The following RBMS1 variants were observed in gnomAD, a reference collection of about 807,000 sequenced individuals.
RBMS1 encodes RNA binding motif single stranded interacting protein 1, also known as RNA-binding motif, single-stranded-interacting protein 1.
In RBMS1, 17 loss-of-function variants were observed where a neutral mutation model predicts 62.3. The ratio of observed to expected loss-of-function variants is 0.27; its 90% CI spans 0.19 to 0.41. RBMS1 has a LOEUF of 0.41. RBMS1 is among the 10% of genes least tolerant of loss of function. RBMS1 has a pLI of 1.00. For missense variants in RBMS1, 334 were observed against 504.5 expected, an observed-to-expected ratio of 0.66 and a Z score of 3.24; for synonymous variants, 172 against 170.0, an observed-to-expected ratio of 1.01 and a Z score of -0.09.
chr2:160,434,838 T>G (rs2105291531), intron 1 of RBMS1, among the ~76,000 whole-genome samples: 1 of 152,264 alleles, frequency 6.6e-6, no homozygotes, highest in South Asian at 2.1e-4. Context: ...CTGATGATCT[T>G]TAAAAATCAT....
chr2:160,443,192 A>C (rs1346445901), intron 1 of RBMS1, among the ~76,000 whole-genome samples: 1 of 146,630 alleles, frequency 6.8e-6, no homozygotes, highest in Non-Finnish European at 1.5e-5. Context: ...CGTGACAGTG[A>C]GACCTTGTCT....
intron 1 of RBMS1, among the ~76,000 whole-genome samples, chr2:160,482,896 A>G (rs1354796667): frequency 6.6e-6 from 1 of 152,236 alleles, no homozygotes; most frequent in African/African-American, 2.4e-5. Flanking sequence ...TCAACATGCT[A>G]TCGTCAGACC....
chr2:160,312,015 C>T (rs1399945730), intron 4 of RBMS1, among the ~76,000 whole-genome samples: 1 of 152,186 alleles, frequency 6.6e-6, no homozygotes, highest in Admixed American at 6.5e-5. Flanking sequence ...AGATGCATGT[C>T]ATTCCAAGTG....
intron 3 of RBMS1, 70 bp from the exon 4 acceptor site, chr2:160,313,317 C>CTACTGG (rs1690036819): frequency 7.0e-7 from 1 of 1,433,328 alleles, no homozygotes. Context: ...AAAAGAACAG[C>CTACTGG]TCTACTTTGT....
At chr2:160,390,330 C>G (rs1443632410) in intron 1 of RBMS1, among the ~76,000 whole-genome samples, 1 of 152,180 alleles carries the variant, frequency 6.6e-6, no homozygotes, top group African/African-American at 2.4e-5. Context: ...AGATAGGACG[C>G]TGTAGTTCTG....
At chr2:160,329,817 T>A (rs1384517128) in intron 2 of RBMS1, among the ~76,000 whole-genome samples, 1 of 151,876 alleles carries the variant, frequency 6.6e-6, no homozygotes, top group East Asian at 1.9e-4. Context: ...CATTTACCAA[T>A]CTTGTTTTGA....
chr2:160,313,813 C>T (rs1237550903), intron 3 of RBMS1, among the ~76,000 whole-genome samples: 2 of 152,138 alleles, frequency 1.3e-5, no homozygotes, highest in Non-Finnish European at 2.9e-5. Flanking sequence ...AAATACAGCT[C>T]ATCACACCCC....
intron 2 of RBMS1, among the ~76,000 whole-genome samples, chr2:160,363,605 GAA>G (rs1693247057): frequency 1.3e-5 from 2 of 151,994 alleles, no homozygotes; most frequent in Non-Finnish European, 2.9e-5. Flanking sequence ...GGCCAAAGAA[GAA>G]TCCACAAAAC....
chr2:160,433,188 T>C (rs1427843509), intron 1 of RBMS1, among the ~76,000 whole-genome samples: 1 of 151,218 alleles, frequency 6.6e-6, no homozygotes, highest in Non-Finnish European at 1.5e-5. Flanking sequence ...CCAAGACAGG[T>C]GGATCGCTTG....
intron 1 of RBMS1, chr2:160,493,069 G>A: frequency 1.9e-6 from 1 of 515,068 alleles, no homozygotes; most frequent in Non-Finnish European, 3.4e-6. Flanking sequence ...CTCTCCCCCC[G>A]CGGCTTTCTG....
At chr2:160,335,153 C>G (rs1376819236) in intron 2 of RBMS1, among the ~76,000 whole-genome samples, 1 of 152,018 alleles carries the variant, frequency 6.6e-6, no homozygotes, top group Admixed American at 6.6e-5. Context: ...ATGTGGTGGA[C>G]CTATCCACCA....
chr2:160,347,502 A>G (rs1692251499), intron 2 of RBMS1, among the ~76,000 whole-genome samples: 2 of 152,198 alleles, frequency 1.3e-5, no homozygotes, highest in Non-Finnish European at 2.9e-5. Context: ...CAGTGATGCC[A>G]AAGATCAAGT....
chr2:160,473,600 T>A (rs1202502445), intron 1 of RBMS1, among the ~76,000 whole-genome samples: 1 of 152,208 alleles, frequency 6.6e-6, no homozygotes, highest in Non-Finnish European at 1.5e-5. Flanking sequence ...AAGGACATTG[T>A]TTATACATTC....
At chr2:160,402,010 A>G (rs1287917992) in intron 1 of RBMS1, 1 of 152,162 alleles carries the variant, frequency 6.6e-6, no homozygotes, top group Non-Finnish European at 1.5e-5. Context: ...GTCCATTCTT[A>G]GAGGCTGTAA....
intron 2 of RBMS1, among the ~76,000 whole-genome samples, chr2:160,321,102 T>C (rs1346832508): frequency 6.6e-6 from 1 of 152,010 alleles, no homozygotes; most frequent in Admixed American, 6.6e-5. Context: ...TAGTTCTGCT[T>C]TCAACATTTA....
At chr2:160,313,297 G>A in intron 3 of RBMS1, 50 bp from the exon 4 acceptor site, 1 of 1,514,114 alleles carries the variant, frequency 6.6e-7, no homozygotes, top group South Asian at 1.2e-5. Context: ...CTGTGGTTAG[G>A]TAAAAGGGTA....
intron 1 of RBMS1, 131 bp downstream of exon 1, chr2:160,493,158 G>A: frequency 1.1e-6 from 1 of 904,036 alleles, no homozygotes; most frequent in Non-Finnish European, 1.7e-6. Flanking sequence ...CAGCGCTATA[G>A]TTAGCAACCT....
At chr2:160,436,096 C>A (rs1228617666) in intron 1 of RBMS1, among the ~76,000 whole-genome samples, 1 of 152,178 alleles carries the variant, frequency 6.6e-6, no homozygotes. Context: ...ATGTAAGTAA[C>A]TGTGATAGAT....
At chr2:160,376,822 A>T (rs1214419828) in intron 1 of RBMS1, among the ~76,000 whole-genome samples, 2 of 151,982 alleles carry the variant, frequency 1.3e-5, no homozygotes, top group Admixed American at 1.3e-4. Flanking sequence ...TAAATAAATA[A>T]ATAAATAAAA....
Sources: allele counts gnomAD v4.1 joint callset (sites outside exome capture counted in the v4.1 genomes callset), GRCh38; gene constraint gnomAD v4.1.1; transcripts MANE v1.5; gene names NCBI Gene and HGNC (gene_info 2026-07-23, HGNC 2026-07-21).